Variants in EYS observed in about 807,000 individuals in gnomAD.
EYS encodes protein eyes shut homolog.
Under a neutral mutation model 282.1 loss-of-function variants are expected in EYS, and 250 were observed. That is an observed-to-expected ratio of 0.89 (90% CI 0.80 to 0.98). The LOEUF (loss-of-function observed/expected upper bound fraction) is 0.98, where lower values mean the gene tolerates loss of function less well. EYS is among the 50% of genes least tolerant of loss of function. The probability of loss-of-function intolerance (pLI) is 0.00; values close to 1 mark genes in which losing one functional copy is unlikely to be tolerated. For synonymous variants in EYS, 1,355 were observed against 1,282.9 expected (o/e 1.06, Z -1.20); for missense variants, 4,016 against 3,709.0 (o/e 1.08, Z -2.15).
At chr6:64,129,392 T>C (rs150545872) in intron 31 of EYS, among the ~76,000 whole-genome samples, 2,098 of 152,350 alleles carry the variant, frequency 0.014, 42 homozygotes, top group African/African-American at 0.048. Flanking sequence ...GAACATTTTT[T>C]CATTTTGTCT....
intron 32 of EYS, among the ~76,000 whole-genome samples, chr6:64,080,453 T>C (rs1480666105): frequency 7.5e-4 from 110 of 146,516 alleles, no homozygotes; most frequent in East Asian, 7.9e-4. Flanking sequence ...ATTCTGGATA[T>C]TAGCCCTTTG....
At position 65,384,497 on chromosome 6, in the gene EYS, A is replaced by G. The variant is rs2150351983; in HGVS notation, c.1188T>C (p.Cys396=). The G allele has an allele frequency of 3.3e-6, 5 of 1,499,890 alleles. No homozygotes were observed. Among genetic ancestry groups the G allele is most frequent in the Non-Finnish European group, 4.6e-6 (5 of 1,079,036 alleles). 92.9% of individuals were successfully genotyped at this position (1,499,890 alleles called of 1,614,324 possible). Residue 396 remains cysteine, a synonymous_variant, in exon 8 of 43, where the codon TGT becomes TGC. Transcript: ENST00000503581. ...AGTTTTTTTCAGTAAATCCTGATAT[A>G]CAGCTGTAAATACATCAGTGTAAAT... The part of the protein sequence containing the change: ...KKCEKDYPCS[C]ISGFTEKNCE...
At chr6:64,945,442 G>A (rs2150095829) in intron 15 of EYS, among the ~76,000 whole-genome samples, 1 of 152,142 alleles carries the variant, frequency 6.6e-6, no homozygotes, top group African/African-American at 2.4e-5. Flanking sequence ...TAATTTAGCG[G>A]ACTCACTCCT....
chr6:65,555,903 A>T (rs1358164676), intron 2 of EYS, among the ~76,000 whole-genome samples: 2 of 152,244 alleles, frequency 1.3e-5, no homozygotes, highest in Non-Finnish European at 2.9e-5. Flanking sequence ...CTTTTAAAAT[A>T]TATTGGAGTC....
At chr6:64,066,257 G>A in intron 33 of EYS, 81 bp downstream of exon 33, 1 of 1,258,130 alleles carries the variant, frequency 7.9e-7, no homozygotes, top group Non-Finnish European at 1.1e-6. Flanking sequence ...CAGACTGGGT[G>A]ACAGAGCAAG....
chr6:63,958,638 T>C (rs1765922225), intron 35 of EYS, among the ~76,000 whole-genome samples: 1 of 152,188 alleles, frequency 6.6e-6, no homozygotes, highest in Non-Finnish European at 1.5e-5. Flanking sequence ...TTCTAGGACT[T>C]TCATAGGTAG....
intron 1 of EYS, among the ~76,000 whole-genome samples, chr6:65,695,000 G>A (rs1387328569): frequency 6.6e-6 from 1 of 152,084 alleles, no homozygotes; most frequent in Non-Finnish European, 1.5e-5. Flanking sequence ...AGAATTTGAG[G>A]TGAGACCAGA....
chr6:65,585,978 C>A (rs952948321), intron 2 of EYS, among the ~76,000 whole-genome samples: 1 of 151,962 alleles, frequency 6.6e-6, no homozygotes, highest in Admixed American at 6.6e-5. Context: ...ATTACTTGTG[C>A]ACCTAGCTAT....
At chr6:64,363,617 GC>G (rs1772094999) in intron 29 of EYS, among the ~76,000 whole-genome samples, 2 of 151,734 alleles carry the variant, frequency 1.3e-5, no homozygotes, top group Non-Finnish European at 2.9e-5. Flanking sequence ...TGCTTAACAG[GC>G]CTTCTGGCTC....
intron 29 of EYS, among the ~76,000 whole-genome samples, chr6:64,319,474 A>T (rs1770118233): frequency 6.6e-6 from 1 of 152,010 alleles, no homozygotes; most frequent in Non-Finnish European, 1.5e-5. Context: ...ACAACTGTGA[A>T]TAGGGCTTCT....
At chr6:64,018,676 T>C (rs1769013320) in intron 33 of EYS, among the ~76,000 whole-genome samples, 1 of 151,698 alleles carries the variant, frequency 6.6e-6, no homozygotes, top group Admixed American at 6.6e-5. Flanking sequence ...AAAGGGTCTT[T>C]GCAAATGCGA....
chr6:65,305,373 G>A (rs546688754), intron 11 of EYS, among the ~76,000 whole-genome samples: 1 of 152,202 alleles, frequency 6.6e-6, no homozygotes, highest in Non-Finnish European at 1.5e-5. Flanking sequence ...GATGAAGACA[G>A]CTGCTACCAT....
intron 35 of EYS, among the ~76,000 whole-genome samples, chr6:63,907,713 C>T (rs1773810314): frequency 6.6e-6 from 1 of 151,804 alleles, no homozygotes; most frequent in Non-Finnish European, 1.5e-5. Context: ...GTGTATCTAC[C>T]ACCCAAATAA....
rs571250835 is a variant in EYS at position 64,874,293 on chromosome 6, A to T, written c.2992+12404T>A. ...TTGTCTAGCTTCCATAGGTGAAGTA[A>T]TTTCAGACTCACATAACCAAAAGAG... is the stretch of plus-strand genomic sequence containing the variant. On this transcript the variant is annotated intron_variant, in intron 19 of 42. Coordinates refer to ENST00000503581, the MANE Select transcript of EYS (RefSeq NM_001142800.2). 4.7e-4 allele frequency among the ~76,000 whole-genome samples: 71 copies of T among 152,192 alleles called. 1 individual carries two copies. The highest frequency in any genetic ancestry group is 1.6e-3 in the African/African-American group (68 of 41,544).
intron 19 of EYS, among the ~76,000 whole-genome samples, chr6:64,825,922 TAA>T (rs76203593): frequency 6.7e-6 from 1 of 149,626 alleles, no homozygotes; most frequent in East Asian, 2.0e-4. Context: ...TATATATATA[TAA>T]ATACATATGC....
intron 19 of EYS, among the ~76,000 whole-genome samples, chr6:64,826,778 C>A (rs1765074059): frequency 6.7e-6 from 1 of 149,448 alleles, no homozygotes; most frequent in Admixed American, 6.7e-5. Flanking sequence ...TACCCAACTT[C>A]TTCCCATTTG....
rs532987339 is a variant in EYS, at chr6:65,466,817, TA to T, written c.862+23776del. Among the ~76,000 whole-genome samples, 210 of 152,096 alleles carry T rather than the reference TA, an allele frequency of 1.4e-3. 1 individual carries two copies. The highest frequency in any genetic ancestry group is 1.6e-3 in the Non-Finnish European group (107 of 67,982). On this transcript the variant is annotated intron_variant, in intron 5 of 42. Transcript: ENST00000503581. ...AAGGAACACAAGGAAACTCCTGAGG[TA>T]AAAGGGAATCCGAGAGAGACTTACT... is the stretch of plus-strand genomic sequence containing the variant.
intron 11 of EYS, among the ~76,000 whole-genome samples, chr6:65,313,305 C>G (rs1387237240): frequency 6.6e-6 from 1 of 151,618 alleles, no homozygotes; most frequent in Non-Finnish European, 1.5e-5. Context: ...TAGTTTATAT[C>G]TGGGAAATAA....
chr6:64,115,869 C>A (rs948504513), intron 31 of EYS, among the ~76,000 whole-genome samples: 13 of 151,886 alleles, frequency 8.6e-5, no homozygotes, highest in Non-Finnish European at 1.3e-4. Context: ...AATTTCCTAA[C>A]AATAAATTCA....
Sources: gnomAD v4.1 joint callset for allele counts (sites outside exome capture counted in the v4.1 genomes callset) on GRCh38, gnomAD v4.1.1 for gene constraint, MANE v1.5 for transcripts, NCBI Gene and HGNC (gene_info 2026-07-23, HGNC 2026-07-21) for gene names.